Variants in TSGA10 observed in about 807,000 individuals in gnomAD.
TSGA10 encodes the protein testis specific 10.
Under a neutral mutation model 96.6 loss-of-function variants are expected in TSGA10, and 43 were observed. That is an observed-to-expected ratio of 0.44 (90% CI 0.35 to 0.57). The LOEUF (loss-of-function observed/expected upper bound fraction) is 0.57, where lower values mean the gene tolerates loss of function less well. TSGA10 is among the 20% of genes least tolerant of loss of function. TSGA10 has a pLI of 0.01. For missense variants in TSGA10, 703 were observed against 834.4 expected, an observed-to-expected ratio of 0.84 and a Z score of 1.94; for synonymous variants, 229 against 269.9, an observed-to-expected ratio of 0.85 and a Z score of 1.48.
At chr2:99,072,220 T>A (rs1415939112) in intron 13 of TSGA10, among the ~76,000 whole-genome samples, 1 of 152,176 alleles carries the variant, frequency 6.6e-6, no homozygotes, top group Admixed American at 6.5e-5. Context: ...ATTAATGCTT[T>A]TCAGGGCTCA....
At chr2:99,145,597 A>G (rs746351442) in intron 1 of TSGA10, among the ~76,000 whole-genome samples, 2 of 151,580 alleles carry the variant, frequency 1.3e-5, no homozygotes, top group Admixed American at 1.3e-4. Flanking sequence ...TTACATTAGT[A>G]CCACCCAATT....
chr2:99,110,372 G>T (rs1488021443), intron 5 of TSGA10, among the ~76,000 whole-genome samples: 3 of 152,088 alleles, frequency 2.0e-5, no homozygotes, highest in Non-Finnish European at 2.9e-5. Context: ...GAAAATTATA[G>T]ATATACTTTC....
chr2:99,115,672 G>A (rs1394873606), intron 4 of TSGA10, among the ~76,000 whole-genome samples: 2 of 151,970 alleles, frequency 1.3e-5, no homozygotes, highest in Non-Finnish European at 2.9e-5. Flanking sequence ...TTCAGGTCAG[G>A]AGTTCAATAC....
Position 99,035,445 on chromosome 2 carries a change from A to C in TSGA10, c.1405-6T>G. On this transcript the variant is annotated splice_region_variant and splice_polypyrimidine_tract_variant and intron_variant, in intron 16 of 20. Transcript: ENST00000393483. Reference sequence around the variant, plus strand: ...GACCTTTCTGCATTTAAGTGCTGTAAGAATAAAATTATATATATGTATGTA... The same window carrying C: ...GACCTTTCTGCATTTAAGTGCTGTACGAATAAAATTATATATATGTATGTA... The C allele has an allele frequency of 6.3e-7, 1 of 1,589,278 alleles. No homozygotes were observed. The highest frequency in any genetic ancestry group is 8.6e-7 in the Non-Finnish European group (1 of 1,162,464).
At chr2:99,088,925 G>A (rs1454142498) in intron 10 of TSGA10, among the ~76,000 whole-genome samples, 7 of 152,158 alleles carry the variant, frequency 4.6e-5, no homozygotes, top group Non-Finnish European at 7.4e-5. Flanking sequence ...TCACTCAGAC[G>A]AACAAAGCAG....
Position 99,081,381 on chromosome 2 carries a change from T to C in TSGA10, c.628A>G (p.Thr210Ala), listed in dbSNP as rs747365431. The C allele has an allele frequency of 1.3e-6, 2 of 1,571,552 alleles. No homozygotes were observed. The highest frequency in any genetic ancestry group is 8.6e-7 in the Non-Finnish European group (1 of 1,159,036). ...TGAGTATCAGAAAGATCTTTTTCTG[T>C]GTTTTCATACAAAAGTCTGCAAATA... ...NNSLRLLYEN[T>A]EKDLSDTQRH... The change falls in exon 11 of 21, where the codon ACA becomes GCA. Residue 210 changes from threonine (T) to alanine (A), a missense_variant. By Grantham distance (58) the Thr-to-Ala change is moderately conservative. This residue lies in a region of TSGA10 where 585 missense variants were observed against 656.8 expected (regional missense o/e 0.89). Transcript: ENST00000393483.
chr2:99,018,496 G>A (rs765124789), intron 19 of TSGA10, 40 bp downstream of exon 19: 3 of 1,594,994 alleles, frequency 1.9e-6, no homozygotes, highest in East Asian at 2.2e-5. Flanking sequence ...TTTCCATGCT[G>A]AAAAGCATTG....
intron 16 of TSGA10, among the ~76,000 whole-genome samples, chr2:99,041,980 G>C (rs759886385): frequency 2.0e-5 from 3 of 148,646 alleles, no homozygotes; most frequent in Non-Finnish European, 4.5e-5. Flanking sequence ...CAGCAAGAAA[G>C]AAACAAACAA....
intron 16 of TSGA10, among the ~76,000 whole-genome samples, chr2:99,049,023 C>T (rs953362486): frequency 3.3e-5 from 5 of 152,124 alleles, no homozygotes; most frequent in East Asian, 1.9e-4. Flanking sequence ...ATCAAATTCA[C>T]GATGAGATAC....
chr2:99,089,901 C>T (rs1022655700), intron 10 of TSGA10, among the ~76,000 whole-genome samples: 6 of 152,174 alleles, frequency 3.9e-5, no homozygotes, highest in Non-Finnish European at 7.3e-5. Context: ...CCCTATACTA[C>T]CATAGCTGAT....
At chr2:99,059,540 G>A (rs1244361953) in intron 16 of TSGA10, among the ~76,000 whole-genome samples, 1 of 152,012 alleles carries the variant, frequency 6.6e-6, no homozygotes, top group African/African-American at 2.4e-5. Context: ...TCGGGAGGCT[G>A]AGGCAGGAGA....
intron 15 of TSGA10, among the ~76,000 whole-genome samples, chr2:99,066,720 G>C (rs1332031761): frequency 6.6e-6 from 1 of 152,038 alleles, no homozygotes; most frequent in Non-Finnish European, 1.5e-5. Flanking sequence ...GAGCAGTGTT[G>C]AGCATGAGAG....
chr2:99,103,083 A>T (rs2090955264), intron 10 of TSGA10, among the ~76,000 whole-genome samples: 1 of 51,538 alleles, frequency 1.9e-5, no homozygotes, highest in African/African-American at 1.3e-4. Flanking sequence ...TTTATGACTA[A>T]AAAAAAAAAA....
intron 20 of TSGA10, among the ~76,000 whole-genome samples, chr2:99,017,958 T>C (rs1463175073): frequency 6.6e-6 from 1 of 151,894 alleles, no homozygotes; most frequent in Non-Finnish European, 1.5e-5. Flanking sequence ...CCCAAAACCA[T>C]GGAAATAAAA....
intron 9 of TSGA10, 123 bp from the exon 10 acceptor site, chr2:99,104,241 T>TC: frequency 8.9e-6 from 10 of 1,124,658 alleles, no homozygotes; most frequent in Non-Finnish European, 1.3e-5. Context: ...GATTATCAGG[T>TC]TAGACCTGAC....
At chr2:99,013,819 C>T (rs965507995) in intron 20 of TSGA10, among the ~76,000 whole-genome samples, 1 of 151,802 alleles carries the variant, frequency 6.6e-6, no homozygotes, top group African/African-American at 2.4e-5. Context: ...AGTTCAAAAT[C>T]AGCCTGGCCA....
chr2:98,998,236 A>T lies in TSGA10; in HGVS notation c.2073-15T>A. On this transcript the variant is annotated splice_polypyrimidine_tract_variant and intron_variant, in intron 20 of 20. Coordinates refer to ENST00000393483, the MANE Select transcript of TSGA10 (RefSeq NM_025244.4). ...AGCAAAGATTCCTATAAGAGAAAAAATCATGCTGATTAATATTTTTAATTC... is the reference window on the plus strand; with the variant it reads ...AGCAAAGATTCCTATAAGAGAAAAATTCATGCTGATTAATATTTTTAATTC... 6.3e-7 allele frequency: 1 copy of T among 1,589,016 alleles called. No homozygotes were observed. The highest frequency in any genetic ancestry group is 1.4e-5 in the African/African-American group (1 of 73,964).
chr2:99,098,752 C>T (rs1364562088), intron 10 of TSGA10, among the ~76,000 whole-genome samples: 1 of 152,052 alleles, frequency 6.6e-6, no homozygotes, highest in Admixed American at 6.5e-5. Context: ...TAACATTATA[C>T]TAAACATCCT....
chr2:99,051,367 T>A (rs891141823), intron 16 of TSGA10, among the ~76,000 whole-genome samples: 5 of 152,086 alleles, frequency 3.3e-5, no homozygotes, highest in African/African-American at 1.2e-4. Context: ...ACAGACTTTT[T>A]AAAAATGTTA....
Sources: gnomAD v4.1 joint callset for allele counts (sites outside exome capture counted in the v4.1 genomes callset) on GRCh38, gnomAD v4.1.1 for gene constraint, gnomAD v4.1.1 regional missense constraint, MANE v1.5 for transcripts, NCBI Gene and HGNC (gene_info 2026-07-23, HGNC 2026-07-21) for gene names.